Variants in ZNF468 observed in about 807,000 individuals in gnomAD.
The protein encoded by ZNF468 is zinc finger protein 468, also known as zinc finger protein ZNF468.
Under a neutral mutation model 7.2 loss-of-function variants are expected in ZNF468, and 8 were observed. The ratio of observed to expected loss-of-function variants is 1.11; its 90% CI spans 0.65 to 2.01. ZNF468 has a LOEUF of 2.01. ZNF468 is among the 30% of genes most tolerant of loss of function. The pLI, the probability that ZNF468 is intolerant of heterozygous loss-of-function variation, is 0.00. For missense variants in ZNF468, 608 were observed against 626.5 expected, an observed-to-expected ratio of 0.97 and a Z score of 0.31; for synonymous variants, 218 against 214.4, an observed-to-expected ratio of 1.02 and a Z score of -0.15.
Position 52,839,645 on chromosome 19 carries a change from C to A in ZNF468, c.*1080G>T. Reference sequence around the variant, plus strand: ...AAGATTTCTGTCCAGCATGGATTCTCTGATGTCTAATGAGGTGTGAATGTG... The same window carrying A: ...AAGATTTCTGTCCAGCATGGATTCTATGATGTCTAATGAGGTGTGAATGTG... On this transcript the variant is annotated 3_prime_UTR_variant, in exon 4 of 4. Transcript: ENST00000595646. 5.5e-6 allele frequency: 3 copies of A among 550,376 alleles called. No homozygotes were observed. Among genetic ancestry groups the A allele is most frequent in the South Asian group, 4.2e-5 (3 of 72,152 alleles). The allele number at this position is 550,376 out of a possible 1,614,324, so 34.1% of individuals were successfully genotyped here.
chr19:52,849,299 A>G, intron 2 of ZNF468, 86 bp from the exon 3 acceptor site: 2 of 1,602,378 alleles, frequency 1.2e-6, no homozygotes, highest in Non-Finnish European at 1.7e-6. Flanking sequence ...AGGGGAAAGC[A>G]TGGATTTAAC....
At chr19:52,854,206 A>G in intron 2 of ZNF468, 52 bp downstream of exon 2, 1 of 1,613,136 alleles carries the variant, frequency 6.2e-7, no homozygotes, top group East Asian at 2.2e-5. Context: ...TCCAAGGCCC[A>G]GGGTATCTGA....
At chr19:52,852,829 A>C (rs2147743424) in intron 2 of ZNF468, among the ~76,000 whole-genome samples, 1 of 150,696 alleles carries the variant, frequency 6.6e-6, no homozygotes, top group South Asian at 2.1e-4. Flanking sequence ...AAGTAAAAAA[A>C]TATATAAAAT....
rs190153100 is a variant in ZNF468 at position 52,850,479 on chromosome 19, C to T, written c.16-1266G>A. Among the ~76,000 whole-genome samples, 231 of 152,242 alleles carry T rather than the reference C, an allele frequency of 1.5e-3. 1 individual carries two copies. The highest frequency in any genetic ancestry group is 5.4e-3 in the African/African-American group (223 of 41,538). On this transcript the variant is annotated intron_variant, in intron 2 of 3. Coordinates refer to ENST00000595646, the MANE Select transcript of ZNF468 (RefSeq NM_001008801.2). Reference sequence around the variant, plus strand: ...CTAGCCATGTTCACTAACATGACAACATGTAAATTCACAATTAGCAAAATC... The same window carrying T: ...CTAGCCATGTTCACTAACATGACAATATGTAAATTCACAATTAGCAAAATC...
chr19:52,841,694 T>A lies in ZNF468; in HGVS notation c.600A>T (p.Ser200=). The change falls in exon 4 of 4, where the codon TCA becomes TCT. Residue 200 remains serine (S), a synonymous_variant. Coordinates refer to ENST00000595646, the MANE Select transcript of ZNF468 (RefSeq NM_001008801.2). ...GTACTTCCCATTTTTGTGTGAGTAATGAAGAATGGAGGGAATTATTTCCAT... is the reference window on the plus strand; with the variant it reads ...GTACTTCCCATTTTTGTGTGAGTAAAGAAGAATGGAGGGAATTATTTCCAT... ...NKYGNNSLHS[S]LLTQKWEVHM... 2 of 1,614,136 alleles carry A rather than the reference T, an allele frequency of 1.2e-6. No individual in the cohort carries two copies. Among genetic ancestry groups the A allele is most frequent in the Non-Finnish European group, 1.7e-6 (2 of 1,180,030 alleles).
chr19:52,839,422 G>GT lies in ZNF468; in HGVS notation c.*1302dup. On this transcript the variant is annotated 3_prime_UTR_variant, in exon 4 of 4. Coordinates refer to ENST00000595646, the MANE Select transcript of ZNF468 (RefSeq NM_001008801.2). ...CAGTGCAATCCTCTTAACATAAACAGTTTAATGGCAATTAATGCTTGAAAT... is the reference window on the plus strand; with the variant it reads ...CAGTGCAATCCTCTTAACATAAACAGTTTTAATGGCAATTAATGCTTGAAAT... 2.6e-6 allele frequency: 1 copy of GT among 377,756 alleles called. No individual in the cohort carries two copies. The highest frequency in any genetic ancestry group is 5.3e-6 in the Non-Finnish European group (1 of 189,740). 23.4% of individuals were successfully genotyped at this position (377,756 alleles called of 1,614,324 possible). A position where few individuals can be genotyped will look rare whatever the true frequency, so the allele number is the denominator to read the frequency against.
chr19:52,852,929 A>C (rs2147743611), intron 2 of ZNF468, among the ~76,000 whole-genome samples: 1 of 151,352 alleles, frequency 6.6e-6, no homozygotes, highest in East Asian at 2.0e-4. Flanking sequence ...ATCTCAGCTC[A>C]CTGCAAGCTC....
chr19:52,838,380 G>C lies in ZNF468; in HGVS notation c.*2345C>G, dbSNP rs959924615. The C allele has an allele frequency of 6.6e-6, 1 of 152,260 alleles. No individual in the cohort carries two copies. Among genetic ancestry groups the C allele is most frequent in the Middle Eastern group, 3.4e-3 (1 of 294 alleles). The allele number at this position is 152,260 out of a possible 1,614,324, so 9.4% of individuals were successfully genotyped here. The stretch of plus-strand genomic sequence containing the variant: ...GCAATACAAAGACCATCCATGAAAT[G>C]ACCACAGCAGAAATAACCAATCAGG... On this transcript the variant is annotated 3_prime_UTR_variant, in exon 4 of 4. Transcript: ENST00000595646.
In ZNF468 at chr19:52,838,424, C is replaced by T. The variant is rs1022764662; in HGVS notation, c.*2301G>A. 1 of 152,160 alleles carries T rather than the reference C, an allele frequency of 6.6e-6. No homozygotes were observed. Among genetic ancestry groups the T allele is most frequent in the Non-Finnish European group, 1.5e-5 (1 of 68,014 alleles). The allele number at this position is 152,160 out of a possible 1,614,324, so 9.4% of individuals were successfully genotyped here. On this transcript the variant is annotated 3_prime_UTR_variant, in exon 4 of 4. Transcript: ENST00000595646. ...AATCAGGGAAAACGGAATGCTTTTC[C>T]TGTAGGATCTCACATGATGCAAGAA... is the stretch of plus-strand genomic sequence containing the variant.
intron 2 of ZNF468, among the ~76,000 whole-genome samples, chr19:52,850,377 CTT>C (rs1052183968): frequency 6.6e-6 from 1 of 152,012 alleles, no homozygotes; most frequent in African/African-American, 2.4e-5. Context: ...CTATGGCACT[CTT>C]TATACAGGGA....
intron 2 of ZNF468, chr19:52,853,756 T>C (rs924652068): frequency 1.7e-5 from 10 of 604,066 alleles, no homozygotes; most frequent in Non-Finnish European, 2.2e-5. Context: ...CTTTCCATTC[T>C]AATTAGTAAG....
intron 2 of ZNF468, among the ~76,000 whole-genome samples, chr19:52,853,148 C>T (rs1196985138): frequency 3.9e-5 from 6 of 152,156 alleles, no homozygotes; most frequent in Middle Eastern, 6.8e-3. Flanking sequence ...AGCCACCGCG[C>T]GTGGCCCAGA....
chr19:52,845,988 A>T (rs1163325860), intron 3 of ZNF468, among the ~76,000 whole-genome samples: 4 of 152,142 alleles, frequency 2.6e-5, no homozygotes, highest in Admixed American at 6.6e-5. Context: ...GGGTGACAAG[A>T]ACAAAACTCT....
chr19:52,842,471 G>A (rs2063312631), intron 3 of ZNF468, among the ~76,000 whole-genome samples: 1 of 152,000 alleles, frequency 6.6e-6, no homozygotes, highest in African/African-American at 2.4e-5. Context: ...ACATATCACT[G>A]TCACATCAGA....
chr19:52,841,392 C>G lies in ZNF468; in HGVS notation c.902G>C (p.Cys301Ser), dbSNP rs769918642. The G allele has an allele frequency of 1.2e-6, 2 of 1,614,044 alleles. No individual in the cohort carries two copies. The highest frequency in any genetic ancestry group is 3.3e-5 in the Admixed American group (2 of 60,000). ...ALHTGEKPYE[C>S]EECDKVFSRK... is the part of the protein sequence containing the mutation. ...ACTGAAAACTTTGTCACATTCTTCACATTCATAAGGTTTCTCTCCAGTATG... is the reference window on the plus strand; with the variant it reads ...ACTGAAAACTTTGTCACATTCTTCAGATTCATAAGGTTTCTCTCCAGTATG... The change falls in exon 4 of 4, where the codon TGT becomes TCT. Residue 301 changes from cysteine to serine, a missense_variant. By Grantham distance (112) the Cys-to-Ser change is moderately radical. Transcript: ENST00000595646.
At position 52,842,097 on chromosome 19, in the gene ZNF468, G is replaced by T. The variant is rs1392902163; in HGVS notation, c.197C>A (p.Thr66Lys). The T allele has an allele frequency of 6.2e-7, 1 of 1,610,692 alleles. No homozygotes were observed. Among genetic ancestry groups the T allele is most frequent in the South Asian group, 1.1e-5 (1 of 90,630 alleles). The change falls in exon 4 of 4, where the codon ACA (threonine) becomes AAA (lysine). Residue 66 changes from threonine to lysine, a missense_variant. Physicochemically the swap from Thr to Lys is moderately conservative, Grantham distance 78. Coordinates refer to ENST00000595646, the MANE Select transcript of ZNF468 (RefSeq NM_001008801.2). ...KTLSSTGQGNTEVIHTGTLHR... is the reference protein window; with the variant it reads ...KTLSSTGQGNKEVIHTGTLHR... ...CAATGTCCCTGTGTGGATCACTTCTGTATTGCCTTGCCCTGTTGACGACAA... is the reference window on the plus strand; with the variant it reads ...CAATGTCCCTGTGTGGATCACTTCTTTATTGCCTTGCCCTGTTGACGACAA...
rs975850266 is a variant in ZNF468, at chr19:52,841,141, A to G, written c.1153T>C (p.Cys385Arg). 1.9e-6 allele frequency: 3 copies of G among 1,613,800 alleles called. No homozygotes were observed. The highest frequency in any genetic ancestry group is 2.7e-5 in the African/African-American group (2 of 74,956). The change falls in exon 4 of 4, where the codon TGT becomes CGT. Residue 385 changes from cysteine (C) to arginine (R), a missense_variant. Physicochemically the swap from Cys to Arg is radical, Grantham distance 180 (BLOSUM62 -3). Transcript: ENST00000595646. Reference protein sequence around the residue: ...RLHTGEKPYKCEECDKVFSRK... With the variant: ...RLHTGEKPYKREECDKVFSRK... Reference sequence around the variant, plus strand: ...CTGAAAACTTTGTCACACTCTTCACATTTGTAAGGTTTCTCTCCAGTATGA... The same window carrying G: ...CTGAAAACTTTGTCACACTCTTCACGTTTGTAAGGTTTCTCTCCAGTATGA...
chr19:52,840,555 T>G lies in ZNF468; in HGVS notation c.*170A>C. ...GAAAACTTTTGTCACATTCCTCCCA[T>G]TTGTAAGGTTTCTCTCCAGTATGAA... On this transcript the variant is annotated 3_prime_UTR_variant, in exon 4 of 4. Coordinates refer to ENST00000595646, the MANE Select transcript of ZNF468 (RefSeq NM_001008801.2). 1 of 1,307,068 alleles carries G rather than the reference T, an allele frequency of 7.7e-7. No homozygotes were observed. Among genetic ancestry groups the G allele is most frequent in the Non-Finnish European group, 1.1e-6 (1 of 914,254 alleles). 81.0% of individuals were successfully genotyped at this position (1,307,068 alleles called of 1,614,324 possible).
At chr19:52,857,501 C>T (rs1445475105) in intron 1 of ZNF468, 71 bp downstream of exon 1, 2 of 152,332 alleles carry the variant, frequency 1.3e-5, no homozygotes, top group Non-Finnish European at 2.9e-5. Flanking sequence ...TATGGGGACC[C>T]CACATCCCAT....
Sources: gnomAD v4.1 joint callset for allele counts (sites outside exome capture counted in the v4.1 genomes callset) on GRCh38, gnomAD v4.1.1 for gene constraint, MANE v1.5 for transcripts, NCBI Gene and HGNC (gene_info 2026-07-23, HGNC 2026-07-21) for gene names.